RBM34: variants seen among roughly 807,000 people sequenced by gnomAD.
The protein encoded by RBM34 is RNA-binding protein 34.
A neutral mutation model predicts 44.6 loss-of-function variants in RBM34; 39 were observed. The ratio of observed to expected loss-of-function variants is 0.87; its 90% CI spans 0.68 to 1.14. The LOEUF (loss-of-function observed/expected upper bound fraction) is 1.14, where lower values mean the gene tolerates loss of function less well. Ranked by LOEUF, RBM34 falls within the 50% of genes most tolerant of loss-of-function variation. The pLI, the probability that RBM34 is intolerant of heterozygous loss-of-function variation, is 0.00. For missense variants in RBM34, 572 were observed against 517.9 expected (o/e 1.10, Z -1.01); for synonymous variants, 194 against 184.0 (o/e 1.05, Z -0.44).
At chr1:235,136,834 C>T (rs541284382) in intron 8 of RBM34, among the ~76,000 whole-genome samples, 3 of 152,330 alleles carry the variant, frequency 2.0e-5, no homozygotes, top group Non-Finnish European at 2.9e-5. Flanking sequence ...CCAACAGCAA[C>T]TCTTACATAC....
chr1:235,160,385 G>T, intron 3 of RBM34, 126 bp downstream of exon 3: 1 of 1,264,700 alleles, frequency 7.9e-7, no homozygotes, highest in Non-Finnish European at 1.1e-6. Context: ...ATATGTACTG[G>T]ATTTTCCATA....
chr1:235,145,825 G>T (rs556954010), intron 6 of RBM34, among the ~76,000 whole-genome samples: 1 of 152,134 alleles, frequency 6.6e-6, no homozygotes, highest in South Asian at 2.1e-4. Flanking sequence ...CTTGCTTGTC[G>T]CTCAGGCTAC....
chr1:235,142,757 G>A (rs1279299112), intron 6 of RBM34, among the ~76,000 whole-genome samples: 8 of 150,244 alleles, frequency 5.3e-5, no homozygotes, highest in South Asian at 4.2e-4. Flanking sequence ...GTGAAACCCC[G>A]TCTCTACTAA....
intron 3 of RBM34, among the ~76,000 whole-genome samples, chr1:235,158,433 A>C (rs1266863060): frequency 6.6e-6 from 1 of 151,612 alleles, no homozygotes; most frequent in African/African-American, 2.4e-5. Context: ...AAAAAAAAAA[A>C]CAAAAAAAAA....
intron 3 of RBM34, among the ~76,000 whole-genome samples, chr1:235,155,828 T>TAC (rs1662391561): frequency 2.5e-4 from 4 of 15,896 alleles, no homozygotes; most frequent in African/African-American, 1.6e-3. Context: ...TATACATATA[T>TAC]ATATATATAT....
At position 235,135,872 on chromosome 1, in the gene RBM34, T is replaced by A. The variant is rs1661407832; in HGVS notation, c.890-102A>T. The A allele has an allele frequency of 7.9e-6, 10 of 1,258,744 alleles. No individual in the cohort carries two copies. The Admixed American group carries it at 1.5e-4, about 19-fold the overall frequency. 78.0% of individuals were successfully genotyped at this position (1,258,744 alleles called of 1,614,324 possible). A position where few individuals can be genotyped will look rare whatever the true frequency, so the allele number is the denominator to read the frequency against. On this transcript the variant is annotated intron_variant, in intron 9 of 10. Coordinates refer to ENST00000408888, the MANE Select transcript of RBM34 (RefSeq NM_015014.4). ...CTAGTTAAGCATGGTCCCATGAAAATAAGCCATTATATTGCACACTTTTTA... is the reference window on the plus strand; with the variant it reads ...CTAGTTAAGCATGGTCCCATGAAAAAAAGCCATTATATTGCACACTTTTTA...
chr1:235,156,037 A>AT (rs1378212086), intron 3 of RBM34, among the ~76,000 whole-genome samples: 1,819 of 134,180 alleles, frequency 0.014, 35 homozygotes, highest in African/African-American at 0.045. Flanking sequence ...AGCCCAGCTA[A>AT]TTTTTTTTTT....
chr1:235,146,289 A>G (rs2102844583), intron 6 of RBM34, among the ~76,000 whole-genome samples: 1 of 152,238 alleles, frequency 6.6e-6, no homozygotes, highest in Non-Finnish European at 1.5e-5. Context: ...AAAAAACTTT[A>G]TGTCCATCAG....
At chr1:235,142,090 C>G (rs1035926723) in intron 6 of RBM34, among the ~76,000 whole-genome samples, 3 of 152,020 alleles carry the variant, frequency 2.0e-5, no homozygotes, top group Non-Finnish European at 2.9e-5. Context: ...GTCCAGCTAC[C>G]GGGGGAGAGG....
At chr1:235,132,286 T>G (rs1484016198) in intron 10 of RBM34, among the ~76,000 whole-genome samples, 1 of 152,160 alleles carries the variant, frequency 6.6e-6, no homozygotes, top group East Asian at 1.9e-4. Context: ...TAGACTAGAT[T>G]AGTCATATGC....
intron 10 of RBM34, among the ~76,000 whole-genome samples, chr1:235,133,915 T>A (rs1409301462): frequency 6.6e-6 from 1 of 152,156 alleles, no homozygotes; most frequent in Non-Finnish European, 1.5e-5. Context: ...TCGGCTGGAG[T>A]GCAGTGGTGC....
At chr1:235,152,598 A>C (rs1248192766) in intron 5 of RBM34, 108 bp downstream of exon 5, 3 of 1,514,960 alleles carry the variant, frequency 2.0e-6, no homozygotes, top group Admixed American at 2.4e-5. Context: ...GAACCTATTG[A>C]TTCAAAAGGT....
intron 8 of RBM34, among the ~76,000 whole-genome samples, chr1:235,136,784 G>A (rs776966636): frequency 1.3e-4 from 20 of 152,108 alleles, no homozygotes; most frequent in East Asian, 9.6e-4. Flanking sequence ...TGTGAAGCAC[G>A]GTAGACAAGG....
intron 3 of RBM34, chr1:235,160,290 G>A (rs1372070353): frequency 1.4e-6 from 1 of 692,070 alleles, no homozygotes; most frequent in Non-Finnish European, 2.6e-6. Context: ...GTATATGAGT[G>A]GGGTAAAAAT....
In RBM34 at chr1:235,138,208, G is replaced by C. The variant is rs765949048; in HGVS notation, c.702-34C>G. Reference sequence around the variant, plus strand: ...AAAAAAAAAAAAGAAAGAAAGAAAAGAGAGACAAGGTAAATTTCTTAGCCT... The same window carrying C: ...AAAAAAAAAAAAGAAAGAAAGAAAACAGAGACAAGGTAAATTTCTTAGCCT... On this transcript the variant is annotated intron_variant, in intron 6 of 10. Transcript: ENST00000408888. 55 of 1,516,664 alleles carry C rather than the reference G, an allele frequency of 3.6e-5. No individual in the cohort carries two copies. In the East Asian group the frequency reaches 1.2e-3, roughly 34 times the overall value. The allele number at this position is 1,516,664 out of a possible 1,614,324, so 94.0% of individuals were successfully genotyped here. A position where few individuals can be genotyped will look rare whatever the true frequency, so the allele number is the denominator to read the frequency against.
At chr1:235,132,699 C>T (rs185595149) in intron 10 of RBM34, among the ~76,000 whole-genome samples, 12 of 152,262 alleles carry the variant, frequency 7.9e-5, no homozygotes, top group Non-Finnish European at 1.2e-4. Context: ...GGGCAGGGAA[C>T]GCTCCATTAC....
intron 3 of RBM34, among the ~76,000 whole-genome samples, chr1:235,158,048 GT>G (rs371080679): frequency 0.032 from 4,673 of 143,900 alleles, 240 homozygotes; most frequent in African/African-American, 0.11. Context: ...AATTACATGG[GT>G]TTTTTTTTTT....
intron 4 of RBM34, among the ~76,000 whole-genome samples, chr1:235,154,490 G>A (rs898544066): frequency 2.0e-5 from 3 of 152,166 alleles, no homozygotes; most frequent in African/African-American, 4.8e-5. Flanking sequence ...CTTGAGTCCA[G>A]GAGTTTGAGG....
At chr1:235,153,877 C>CG (rs1662278383) in intron 4 of RBM34, among the ~76,000 whole-genome samples, 1 of 152,172 alleles carries the variant, frequency 6.6e-6, no homozygotes, top group Non-Finnish European at 1.5e-5. Flanking sequence ...CGTCACACAA[C>CG]GGAAGAAACT....
Sources: allele counts gnomAD v4.1 joint callset (sites outside exome capture counted in the v4.1 genomes callset), GRCh38; gene constraint gnomAD v4.1.1; transcripts MANE v1.5; gene names NCBI Gene and HGNC (gene_info 2026-07-23, HGNC 2026-07-21).